SYTL3: variants seen among roughly 807,000 people sequenced by gnomAD.
SYTL3 encodes the protein synaptotagmin-like protein 3.
A neutral mutation model predicts 82.1 loss-of-function variants in SYTL3; 88 were observed. The ratio of observed to expected loss-of-function variants is 1.07; its 90% CI spans 0.90 to 1.28. The LOEUF (loss-of-function observed/expected upper bound fraction) is 1.28, where lower values mean the gene tolerates loss of function less well. Among genes scored for constraint, SYTL3 ranks in the 50% most tolerant of loss-of-function variants. The pLI is 0.00. For synonymous variants in SYTL3, 311 were observed against 289.4 expected (o/e 1.07, Z -0.76); for missense variants, 831 against 757.6 (o/e 1.10, Z -1.14).
chr6:158,722,065 C>G (rs1259098954), intron 10 of SYTL3, among the ~76,000 whole-genome samples: 1 of 152,174 alleles, frequency 6.6e-6, no homozygotes, highest in African/African-American at 2.4e-5. Context: ...AACACGGTGG[C>G]CCTGCTTTGG....
chr6:158,688,723 GTTC>G lies in SYTL3; in HGVS notation c.394+5737_394+5739del, dbSNP rs199835684. 6.5e-3 allele frequency among the ~76,000 whole-genome samples: 985 copies of G among 152,286 alleles called. 4 individuals are homozygous for G. Among genetic ancestry groups the G allele is most frequent in the Non-Finnish European group, 0.01 (697 of 68,020 alleles). ...TGACATTTTAGTATATATTATTTCT[GTTC>G]TTTTGTGAGTGTATGTATCTATGCT... On this transcript the variant is annotated intron_variant, in intron 6 of 17. Transcript: ENST00000611299.
At chr6:158,707,071 T>C (rs1782180000) in intron 6 of SYTL3, among the ~76,000 whole-genome samples, 159 bp from the exon 7 acceptor site, 1 of 152,240 alleles carries the variant, frequency 6.6e-6, no homozygotes, top group South Asian at 2.1e-4. Flanking sequence ...ATCTCTACAC[T>C]CTAATTTTGG....
chr6:158,743,443 T>C (rs1445091957), intron 11 of SYTL3, among the ~76,000 whole-genome samples: 1 of 152,004 alleles, frequency 6.6e-6, no homozygotes, highest in East Asian at 1.9e-4. Flanking sequence ...TGAAGCTGAG[T>C]CCCATGACAA....
Position 158,693,855 on chromosome 6 carries a change from C to CTTTTCTTTTCTTTTCT in SYTL3, c.394+10870_394+10871insCTTTTCTTTTCTTTTT, listed in dbSNP as rs71030191. Among the ~76,000 whole-genome samples the CTTTTCTTTTCTTTTCT allele has an allele frequency of 2.2e-4, 21 of 96,860 alleles. 1 individual carries two copies. Among genetic ancestry groups the CTTTTCTTTTCTTTTCT allele is most frequent in the Admixed American group, 6.6e-4 (6 of 9,148 alleles). 63.5% of individuals were successfully genotyped at this position (96,860 alleles called of 152,430 possible). ...TGCATCCAGCCTTTCTTTTTCTTTT[C>CTTTTCTTTTCTTTTCT]TTTTTTTTTTTTTTTTTTGTAGATA... On this transcript the variant is annotated intron_variant, in intron 6 of 17. Transcript: ENST00000611299.
In SYTL3 at chr6:158,665,512, G is replaced by GGGCGCCGTGTGCCGGGGCTGCA; in HGVS notation, c.230_251dup (p.Ser84ArgfsTer46). ...AGGTGCTGGGGTTCCTGCTGCACCG[G>GGGCGCCGTGTGCCGGGGCTGCA]GGCGCCGTGTGCCGGGGCTGCAGCC... On this transcript the variant is annotated frameshift_variant, in exon 5 of 18. Transcript: ENST00000611299. LOFTEE classifies it high-confidence loss of function. 1.3e-6 allele frequency: 2 copies of GGGCGCCGTGTGCCGGGGCTGCA among 1,596,262 alleles called. No homozygotes were observed. The highest frequency in any genetic ancestry group is 1.7e-6 in the Non-Finnish European group (2 of 1,172,064).
chr6:158,645,953 A>T (rs1787421136), upstream of SYTL3, among the ~76,000 whole-genome samples: 1 of 152,170 alleles, frequency 6.6e-6, no homozygotes, highest in South Asian at 2.1e-4. Context: ...TGCATCCTGT[A>T]CATTTTCCTC....
intron 6 of SYTL3, among the ~76,000 whole-genome samples, chr6:158,685,012 A>C (rs1779134512): frequency 6.6e-6 from 1 of 152,016 alleles, no homozygotes; most frequent in Non-Finnish European, 1.5e-5. Context: ...TTGCTACCAT[A>C]ACCTTTTGAT....
chr6:158,760,205 C>T (rs1424556854), intron 14 of SYTL3, among the ~76,000 whole-genome samples: 1 of 152,204 alleles, frequency 6.6e-6, no homozygotes, highest in Non-Finnish European at 1.5e-5. Flanking sequence ...AGAGACTACA[C>T]CCCATGCTGT....
At chr6:158,720,200 G>A (rs1052871834) in intron 10 of SYTL3, among the ~76,000 whole-genome samples, 3 of 152,118 alleles carry the variant, frequency 2.0e-5, no homozygotes, top group Non-Finnish European at 2.9e-5. Context: ...TCAGGCGTTC[G>A]AGAGCAGCCT....
At chr6:158,701,150 G>GTGTGAGCTGGGGTGTACATGAAGGAGT (rs200589591) in intron 6 of SYTL3, among the ~76,000 whole-genome samples, 1 of 141,250 alleles carries the variant, frequency 7.1e-6, no homozygotes, top group Non-Finnish European at 1.5e-5. Flanking sequence ...TCATGGAGGA[G>GTGTGAGCTGGGGTGTACATGAAGGAGT]GTGAGCTGGG....
chr6:158,683,381 C>T (rs905375288), intron 6 of SYTL3, among the ~76,000 whole-genome samples: 8 of 152,072 alleles, frequency 5.3e-5, no homozygotes, highest in Admixed American at 3.9e-4. Context: ...CCACCACAGT[C>T]GGCTAATTTT....
At chr6:158,726,404 C>T in intron 11 of SYTL3, 1 of 225,922 alleles carries the variant, frequency 4.4e-6, no homozygotes, top group East Asian at 1.3e-4. Flanking sequence ...CACCTCATTG[C>T]AGAAACAGGA....
chr6:158,672,771 A>T (rs2128386273), intron 5 of SYTL3, among the ~76,000 whole-genome samples: 2 of 151,716 alleles, frequency 1.3e-5, no homozygotes, highest in Middle Eastern at 3.4e-3. Flanking sequence ...AGCTGAGATT[A>T]CAGGTGTGTG....
intron 11 of SYTL3, among the ~76,000 whole-genome samples, chr6:158,731,743 G>A (rs1344175871): frequency 2.0e-5 from 3 of 152,072 alleles, no homozygotes; most frequent in Admixed American, 6.6e-5. Context: ...ACAGGCGCCC[G>A]CCACCATGCC....
chr6:158,738,314 C>T (rs1001484600), intron 11 of SYTL3, among the ~76,000 whole-genome samples: 4 of 152,168 alleles, frequency 2.6e-5, no homozygotes, highest in African/African-American at 4.8e-5. Context: ...TCTTCCTCCT[C>T]ACTCTCAAAT....
intron 14 of SYTL3, among the ~76,000 whole-genome samples, chr6:158,758,491 C>T (rs887784561): frequency 2.0e-5 from 3 of 151,966 alleles, no homozygotes; most frequent in African/African-American, 4.8e-5. Flanking sequence ...CAAGGGCCCA[C>T]GGCAGGCCCA....
chr6:158,648,577 C>T (rs1276714668), upstream of SYTL3, among the ~76,000 whole-genome samples: 3 of 131,882 alleles, frequency 2.3e-5, no homozygotes, highest in African/African-American at 5.8e-5. Flanking sequence ...GGTGAAAGAG[C>T]GAGACTCGGT....
chr6:158,696,355 A>G (rs1397064838), intron 6 of SYTL3, among the ~76,000 whole-genome samples: 1 of 147,816 alleles, frequency 6.8e-6, no homozygotes, highest in East Asian at 1.9e-4. Flanking sequence ...GCATGCCACC[A>G]CGCCTAATTT....
At position 158,748,073 on chromosome 6, in the gene SYTL3, GT is replaced by G. The variant is rs769328691; in HGVS notation, c.1034+2430del. 6.3e-3 allele frequency among the ~76,000 whole-genome samples: 770 copies of G among 122,924 alleles called. 16 individuals carry two copies. In the South Asian group the frequency reaches 0.067, roughly 11 times the overall value. The allele number at this position is 122,924 out of a possible 152,430, so 80.6% of individuals were successfully genotyped here. A position where few individuals can be genotyped will look rare whatever the true frequency, so the allele number is the denominator to read the frequency against. ...ATACGTTCTCTGGTTTCTTCTTATCGTTTTTTTTTTTTTTTCCCCACACTTA... is the reference window on the plus strand; with the variant it reads ...ATACGTTCTCTGGTTTCTTCTTATCGTTTTTTTTTTTTTTCCCCACACTTA... On this transcript the variant is annotated intron_variant, in intron 12 of 17. Coordinates refer to ENST00000611299, the MANE Select transcript of SYTL3 (RefSeq NM_001242394.2).
Sources: allele counts gnomAD v4.1 joint callset (sites outside exome capture counted in the v4.1 genomes callset), GRCh38; gene constraint gnomAD v4.1.1; transcripts MANE v1.5; gene names NCBI Gene and HGNC (gene_info 2026-07-23, HGNC 2026-07-21).